Variants in ZNF443 observed in about 807,000 individuals in gnomAD.
ZNF443 encodes the protein zinc finger protein 443, also known as Kruppel-type zinc finger (C2H2).
In ZNF443, 3 loss-of-function variants were observed where a neutral mutation model predicts 12.0. That is an observed-to-expected ratio of 0.25 (90% CI 0.11 to 0.64). The LOEUF (loss-of-function observed/expected upper bound fraction) is 0.64, where lower values mean the gene tolerates loss of function less well. Ranked by LOEUF, ZNF443 falls within the 30% of genes least tolerant of loss-of-function variation. The pLI, the probability that ZNF443 is intolerant of heterozygous loss-of-function variation, is 0.84. For synonymous variants in ZNF443, 225 were observed against 265.9 expected, an observed-to-expected ratio of 0.85 and a Z score of 1.50; for missense variants, 770 against 808.8, an observed-to-expected ratio of 0.95 and a Z score of 0.58.
At chr19:12,439,815 A>C (rs372572421) in intron 1 of ZNF443, among the ~76,000 whole-genome samples, 50 of 152,254 alleles carry the variant, frequency 3.3e-4, no homozygotes, top group Middle Eastern at 3.4e-3. Context: ...TCTTTCAAGA[A>C]AAAGCCATAC....
chr19:12,437,416 A>AAAAAAAAG (rs367738853), intron 1 of ZNF443, among the ~76,000 whole-genome samples: 2 of 146,686 alleles, frequency 1.4e-5, no homozygotes. Context: ...TCAAAAAAAA[A>AAAAAAAAG]AAAGAAACAA....
Position 12,430,340 on chromosome 19 carries a change from G to C in ZNF443, c.1832C>G (p.Thr611Ser), listed in dbSNP as rs779227216. The C allele has an allele frequency of 6.2e-7, 1 of 1,613,786 alleles. No homozygotes were observed. Among genetic ancestry groups the C allele is most frequent in the Non-Finnish European group, 8.5e-7 (1 of 1,179,850 alleles). ...RFLQGHEKTH[T>S]GENPYECKEC... ...CTTACATTCATACGGGTTCTCTCCA[G>C]TATGAGTTTTTTCATGTCCTTGAAG... Residue 611 changes from threonine to serine, a missense_variant, in exon 4 of 4, where the codon ACT becomes AGT. Coordinates refer to ENST00000301547, the MANE Select transcript of ZNF443 (RefSeq NM_005815.5).
At chr19:12,440,354 C>A (rs1205007630) in intron 1 of ZNF443, among the ~76,000 whole-genome samples, 1 of 152,174 alleles carries the variant, frequency 6.6e-6, no homozygotes, top group Non-Finnish European at 1.5e-5. Flanking sequence ...CGCCGGAGTT[C>A]TCAGATCCTG....
intron 1 of ZNF443, among the ~76,000 whole-genome samples, chr19:12,436,796 T>C (rs11878783): frequency 0.33 from 49,480 of 151,078 alleles, 8,544 homozygotes; most frequent in South Asian, 0.47. Flanking sequence ...TATACACATA[T>C]GCATATATAT....
Position 12,430,229 on chromosome 19 carries a change from G to A in ZNF443, c.1943C>T (p.Pro648Leu). Residue 648 changes from proline to leucine, a missense_variant, in exon 4 of 4, where the codon CCA becomes CTA. Transcript: ENST00000301547. The stretch of plus-strand genomic sequence containing the variant: ...TTTCCCACATTCCTTACATTCATAT[G>A]GGTTCTCTCCAGTGTGAGTTTTTTT... ...HWKKTHTGEN[P>L]YECKECGKAF... is the part of the protein sequence containing the mutation. The A allele has an allele frequency of 6.2e-7, 1 of 1,613,940 alleles. No individual in the cohort carries two copies. Among genetic ancestry groups the A allele is most frequent in the Non-Finnish European group, 8.5e-7 (1 of 1,179,928 alleles).
intron 1 of ZNF443, among the ~76,000 whole-genome samples, chr19:12,433,839 G>GAA (rs202135918): frequency 7.8e-5 from 9 of 115,110 alleles, no homozygotes; most frequent in East Asian, 2.5e-4. Flanking sequence ...CAAAGTGGCA[G>GAA]AAAAAAAAAA....
chr19:12,435,334 A>G, intron 1 of ZNF443, among the ~76,000 whole-genome samples: 1 of 152,116 alleles, frequency 6.6e-6, no homozygotes, highest in Non-Finnish European at 1.5e-5. Context: ...ATTTGGCAGG[A>G]ACTGCATGAA....
chr19:12,435,129 A>T (rs1279239541), intron 1 of ZNF443, among the ~76,000 whole-genome samples: 1 of 151,982 alleles, frequency 6.6e-6, no homozygotes, highest in African/African-American at 2.4e-5. Context: ...AGGAATGCTC[A>T]AACACATTTG....
At chr19:12,440,667 G>C (rs1186764893) in intron 1 of ZNF443, among the ~76,000 whole-genome samples, 1 of 152,182 alleles carries the variant, frequency 6.6e-6, no homozygotes, top group African/African-American at 2.4e-5. Flanking sequence ...CCGGGGCTGC[G>C]GGCTCGGAGC....
In ZNF443 at chr19:12,431,629, C is replaced by G; in HGVS notation, c.543G>C (p.Leu181Phe). 1.2e-6 allele frequency: 2 copies of G among 1,614,122 alleles called. No homozygotes were observed. The highest frequency in any genetic ancestry group is 1.7e-6 in the Non-Finnish European group (2 of 1,180,004). ...CTGCCATGTGTCTTTGAAGGTTTCC[C>G]AAAGAACTGAAGGACTTCCCACATT... Reference protein sequence around the residue: ...CKECGKSFSSLGNLQRHMAVQ... With the variant: ...CKECGKSFSSFGNLQRHMAVQ... The change falls in exon 4 of 4, where the codon TTG (leucine) becomes TTC (phenylalanine). Residue 181 changes from leucine to phenylalanine, a missense_variant. By Grantham distance (22) the Leu-to-Phe change is conservative (BLOSUM62 0). Around this residue, in one of 3 missense-constraint regions of ZNF443, gnomAD observed 736 missense variants for 689.4 expected, o/e 1.07. Transcript: ENST00000301547.
rs371898400 is a variant in ZNF443, at chr19:12,431,173, T to A, written c.999A>T (p.Ala333=). The change falls in exon 4 of 4, where the codon GCA becomes GCT. Residue 333 remains alanine (A), a synonymous_variant. Transcript: ENST00000301547. ...ATTGCTGACATGCATAGGGTTTCTC[T>A]GCACTGTGAGTGGTTTCATGTCTTT... ...SLQRHETTHS[A]EKPYACQQCG... 1 of 1,614,100 alleles carries A rather than the reference T, an allele frequency of 6.2e-7. No homozygotes were observed. Among genetic ancestry groups the A allele is most frequent in the Non-Finnish European group, 8.5e-7 (1 of 1,179,948 alleles).
chr19:12,435,080 C>G (rs1330810467), intron 1 of ZNF443, among the ~76,000 whole-genome samples: 1 of 150,666 alleles, frequency 6.6e-6, no homozygotes, highest in Non-Finnish European at 1.5e-5. Flanking sequence ...CAGATTCAAG[C>G]AATTCTCCTG....
Position 12,430,678 on chromosome 19 carries a change from G to C in ZNF443, c.1494C>G (p.His498Gln). 6.2e-7 allele frequency: 1 copy of C among 1,614,106 alleles called. No homozygotes were observed. Among genetic ancestry groups the C allele is most frequent in the Non-Finnish European group, 8.5e-7 (1 of 1,179,972 alleles). Residue 498 changes from histidine to glutamine, a missense_variant, in exon 4 of 4, where the codon CAC becomes CAG. By Grantham distance (24) the His-to-Gln change is conservative (BLOSUM62 0). Transcript: ENST00000301547. ...FCSFQNHKTT[H>Q]TGEKPYECKE... ...TACACTCATATGGCTTCTCTCCAGT[G>C]TGAGTTGTTTTGTGATTTTGAAAGG...
Position 12,430,663 on chromosome 19 carries a change from T to C in ZNF443, c.1509A>G (p.Pro503=), listed in dbSNP as rs750169294. 1.9e-6 allele frequency: 3 copies of C among 1,614,044 alleles called. No individual in the cohort carries two copies. The highest frequency in any genetic ancestry group is 2.2e-5 in the East Asian group (1 of 44,860). Residue 503 remains proline (P), a synonymous_variant, in exon 4 of 4, where the codon CCA becomes CCG. Coordinates refer to ENST00000301547, the MANE Select transcript of ZNF443 (RefSeq NM_005815.5). ...CTTTCCCACATTCCTTACACTCATA[T>C]GGCTTCTCTCCAGTGTGAGTTGTTT... is the stretch of plus-strand genomic sequence containing the variant. ...NHKTTHTGEK[P]YECKECGKAF...
In ZNF443 at chr19:12,430,605, T is replaced by C. The variant is rs1429501158; in HGVS notation, c.1567A>G (p.Lys523Glu). ...GGTTTCTCTCCTGTGTGAGTCCTTT[T>C]ATGTCGAGAAAGGTATCTGAAACGA... ...FSRFRYLSRHKRTHTGEKPYE... is the reference protein window; with the variant it reads ...FSRFRYLSRHERTHTGEKPYE... Residue 523 changes from lysine (K) to glutamate (E), a missense_variant, in exon 4 of 4, where the codon AAA becomes GAA. This residue lies in a region of ZNF443 where 736 missense variants were observed against 689.4 expected (regional missense o/e 1.07). Coordinates refer to ENST00000301547, the MANE Select transcript of ZNF443 (RefSeq NM_005815.5). 6.2e-7 allele frequency: 1 copy of C among 1,613,522 alleles called. No homozygotes were observed. Among genetic ancestry groups the C allele is most frequent in the East Asian group, 2.2e-5 (1 of 44,820 alleles).
At chr19:12,438,663 A>G (rs1239285962) in intron 1 of ZNF443, among the ~76,000 whole-genome samples, 1 of 152,216 alleles carries the variant, frequency 6.6e-6, no homozygotes, top group Admixed American at 6.5e-5. Context: ...TAAGTCCTGA[A>G]ATTCCATCTG....
In ZNF443 at chr19:12,431,812, A is replaced by G; in HGVS notation, c.360T>C (p.Cys120=). ...EKVMGHSSLN[C]YIRVGAGHKP... ...TGTGCCCAGCACCAACTCTGATGTAACAATTAAGGGATGAATGACCCATGA... is the reference window on the plus strand; with the variant it reads ...TGTGCCCAGCACCAACTCTGATGTAGCAATTAAGGGATGAATGACCCATGA... The change falls in exon 4 of 4, where the codon TGT becomes TGC. Residue 120 remains cysteine (C), a synonymous_variant. Transcript: ENST00000301547. The G allele has an allele frequency of 6.2e-7, 1 of 1,614,174 alleles. No homozygotes were observed. The highest frequency in any genetic ancestry group is 1.1e-5 in the South Asian group (1 of 91,080).
Position 12,430,175 on chromosome 19 carries a change from C to T in ZNF443, c.1997G>A (p.Arg666Lys), listed in dbSNP as rs1304847736. Residue 666 changes from arginine to lysine, a missense_variant, in exon 4 of 4, where the codon AGA becomes AAA. Around this residue, in one of 3 missense-constraint regions of ZNF443, gnomAD observed 30 missense variants for 60.4 expected, o/e 0.50. Transcript: ENST00000301547. ...KAFASLSSLHRHKKTH is the reference protein window; with the variant it reads ...KAFASLSSLHKHKKTH ...AGAATGCTAGTGAGTCTTTTTATGT[C>T]TATGCAAGGAACTGAGAGAAGCAAA... 2 of 1,613,584 alleles carry T rather than the reference C, an allele frequency of 1.2e-6. No homozygotes were observed. The highest frequency in any genetic ancestry group is 2.7e-5 in the African/African-American group (2 of 74,898).
At chr19:12,435,725 AC>A (rs1208237215) in intron 1 of ZNF443, among the ~76,000 whole-genome samples, 2 of 151,378 alleles carry the variant, frequency 1.3e-5, no homozygotes, top group Non-Finnish European at 2.9e-5. Flanking sequence ...CATCTTTTTT[AC>A]TAGCTTCTAG....
Sources: allele counts gnomAD v4.1 joint callset (sites outside exome capture counted in the v4.1 genomes callset), GRCh38; gene constraint gnomAD v4.1.1; regional missense constraint gnomAD v4.1.1; transcripts MANE v1.5; gene names NCBI Gene and HGNC (gene_info 2026-07-23, HGNC 2026-07-21).